Variants in ANKS1B observed in about 807,000 individuals in gnomAD.
ANKS1B encodes the protein ankyrin repeat and sterile alpha motif domain-containing protein 1B.
A neutral mutation model predicts 148.3 loss-of-function variants in ANKS1B; 36 were observed. The observed-to-expected ratio is 0.24, with a 90% CI of 0.19 to 0.32. ANKS1B has a LOEUF of 0.32. Ranked by LOEUF, ANKS1B falls within the 10% of genes least tolerant of loss-of-function variation. The pLI, the probability that ANKS1B is intolerant of heterozygous loss-of-function variation, is 1.00. For synonymous variants in ANKS1B, 542 were observed against 560.8 expected, an observed-to-expected ratio of 0.97 and a Z score of 0.47; for missense variants, 1,157 against 1,542.6, an observed-to-expected ratio of 0.75 and a Z score of 4.19.
chr12:99,058,078 T>C (rs2040888172), intron 16 of ANKS1B, among the ~76,000 whole-genome samples: 1 of 152,194 alleles, frequency 6.6e-6, no homozygotes, highest in African/African-American at 2.4e-5. Context: ...TTATCCATTA[T>C]GCCTGTGGAA....
intron 8 of ANKS1B, among the ~76,000 whole-genome samples, chr12:99,660,846 A>G (rs1188283589): frequency 6.6e-6 from 1 of 151,734 alleles, no homozygotes; most frequent in Non-Finnish European, 1.5e-5. Context: ...ATCTGCCCCT[A>G]CCTCCCTCTG....
At chr12:99,864,829 T>C (rs1030983346) in intron 1 of ANKS1B, among the ~76,000 whole-genome samples, 3 of 152,172 alleles carry the variant, frequency 2.0e-5, no homozygotes, top group Non-Finnish European at 4.4e-5. Flanking sequence ...AACATTAGCT[T>C]CCCCAAGCAG....
intron 19 of ANKS1B, among the ~76,000 whole-genome samples, chr12:98,809,877 G>A (rs1295200947): frequency 1.3e-5 from 2 of 152,068 alleles, no homozygotes; most frequent in South Asian, 2.1e-4. Context: ...ACAACTGATC[G>A]GAATTAATGT....
rs554164654 is a variant in ANKS1B at position 99,321,002 on chromosome 12, G to A, written c.1757-74138C>T. Among the ~76,000 whole-genome samples, 24 of 152,250 alleles carry A rather than the reference G, an allele frequency of 1.6e-4. No homozygotes were observed. The South Asian group carries it at 3.3e-3, about 21-fold the overall frequency. On this transcript the variant is annotated intron_variant, in intron 12 of 26. Transcript: ENST00000683438. ...CCCTGTTTGCCTGAGTATCCCCAGCGGAGGCTGCAGAACAGCAAATATTGC... is the reference window on the plus strand; with the variant it reads ...CCCTGTTTGCCTGAGTATCCCCAGCAGAGGCTGCAGAACAGCAAATATTGC...
chr12:99,923,855 CA>C (rs558877725), intron 1 of ANKS1B, among the ~76,000 whole-genome samples: 311 of 152,210 alleles, frequency 2.0e-3, no homozygotes, highest in African/African-American at 7.3e-3. Flanking sequence ...ATATTCTTAG[CA>C]GGACCAGAAC....
chr12:98,850,208 G>A (rs559600885), intron 17 of ANKS1B, among the ~76,000 whole-genome samples: 3 of 152,030 alleles, frequency 2.0e-5, no homozygotes, highest in South Asian at 2.1e-4. Flanking sequence ...GTTAAATTAC[G>A]TCTGAGGAAG....
intron 14 of ANKS1B, among the ~76,000 whole-genome samples, chr12:99,163,166 C>A (rs1167923585): frequency 6.6e-6 from 1 of 151,840 alleles, no homozygotes; most frequent in East Asian, 1.9e-4. Context: ...TTAAAAATAA[C>A]TACATAATAG....
chr12:99,522,320 G>A (rs1218830676), intron 9 of ANKS1B, among the ~76,000 whole-genome samples: 2 of 152,120 alleles, frequency 1.3e-5, no homozygotes, highest in Non-Finnish European at 2.9e-5. Flanking sequence ...CAATGGGAAT[G>A]AATAGCTTTG....
At position 98,815,813 on chromosome 12, in the gene ANKS1B, T is replaced by C. The variant is rs560173157; in HGVS notation, c.3067-7895A>G. 2.6e-4 allele frequency among the ~76,000 whole-genome samples: 40 copies of C among 152,308 alleles called. No individual in the cohort carries two copies. The South Asian group carries it at 7.5e-3, about 28-fold the overall frequency. On this transcript the variant is annotated intron_variant, in intron 19 of 26. Transcript: ENST00000683438. Reference sequence around the variant, plus strand: ...ACTACTTGCTCCAAGCTACTCCCTTTTCTCGTTTGATTTATTCCATTGGCT... The same window carrying C: ...ACTACTTGCTCCAAGCTACTCCCTTCTCTCGTTTGATTTATTCCATTGGCT...
chr12:98,985,412 C>T (rs1207707724), intron 17 of ANKS1B, among the ~76,000 whole-genome samples: 2 of 151,990 alleles, frequency 1.3e-5, no homozygotes, highest in Non-Finnish European at 2.9e-5. Flanking sequence ...TCCCAACTTT[C>T]TATGTCTTTT....
At chr12:99,108,318 C>G (rs1171479368) in intron 15 of ANKS1B, among the ~76,000 whole-genome samples, 1 of 152,214 alleles carries the variant, frequency 6.6e-6, no homozygotes, top group Non-Finnish European at 1.5e-5. Flanking sequence ...TCCAACTAGA[C>G]TATGTACCTT....
intron 17 of ANKS1B, among the ~76,000 whole-genome samples, chr12:99,022,813 A>G (rs1307825303): frequency 6.6e-6 from 1 of 152,114 alleles, no homozygotes; most frequent in Non-Finnish European, 1.5e-5. Context: ...CAGCCTCCTG[A>G]GTCACTGGGA....
At chr12:99,067,505 C>T (rs1429097055) in intron 16 of ANKS1B, among the ~76,000 whole-genome samples, 1 of 152,112 alleles carries the variant, frequency 6.6e-6, no homozygotes, top group Non-Finnish European at 1.5e-5. Context: ...GGCACTGTCT[C>T]AAGCTGTGGT....
At position 99,386,037 on chromosome 12, in the gene ANKS1B, C is replaced by T. The variant is rs569898542; in HGVS notation, c.1756+13594G>A. ...TCTATTATTAGCTTTCCATAGTCAA[C>T]TCCTGATTATCCGAGTTAATAAAAT... On this transcript the variant is annotated intron_variant, in intron 12 of 26. Transcript: ENST00000683438. Among the ~76,000 whole-genome samples the T allele has an allele frequency of 1.2e-4, 18 of 152,290 alleles. No individual in the cohort carries two copies. The South Asian group carries it at 3.1e-3, about 26-fold the overall frequency.
chr12:99,609,706 T>TA (rs1188083650), intron 9 of ANKS1B, among the ~76,000 whole-genome samples: 2 of 151,832 alleles, frequency 1.3e-5, no homozygotes, highest in African/African-American at 4.8e-5. Context: ...TCTCAGGATG[T>TA]AAAAACGAGA....
At chr12:99,124,119 G>A (rs144795406) in intron 15 of ANKS1B, among the ~76,000 whole-genome samples, 88 of 152,296 alleles carry the variant, frequency 5.8e-4, no homozygotes, top group South Asian at 6.2e-4. Context: ...AATATAATCT[G>A]ACATCTACTT....
chr12:99,637,814 A>T (rs1449074538), intron 9 of ANKS1B, among the ~76,000 whole-genome samples: 2 of 147,296 alleles, frequency 1.4e-5, no homozygotes, highest in Non-Finnish European at 3.0e-5. Context: ...ATATATATAT[A>T]ATATATATAT....
intron 8 of ANKS1B, among the ~76,000 whole-genome samples, chr12:99,742,317 T>C (rs571367018): frequency 2.0e-5 from 3 of 149,246 alleles, no homozygotes; most frequent in East Asian, 1.9e-4. Context: ...ACATTAAAAA[T>C]TGAAATATCA....
At chr12:99,411,514 A>G (rs1455268180) in intron 11 of ANKS1B, among the ~76,000 whole-genome samples, 1 of 152,212 alleles carries the variant, frequency 6.6e-6, no homozygotes, top group Non-Finnish European at 1.5e-5. Flanking sequence ...CAATAAACAT[A>G]TGAGTGCAGG....
Sources: allele counts gnomAD v4.1 joint callset (sites outside exome capture counted in the v4.1 genomes callset), GRCh38; gene constraint gnomAD v4.1.1; transcripts MANE v1.5; gene names NCBI Gene and HGNC (gene_info 2026-07-23, HGNC 2026-07-21).